The following OVCH1 variants were observed in gnomAD, a reference collection of about 807,000 sequenced individuals.
OVCH1 encodes ovochymase 1, also known as ovochymase-1.
In OVCH1, 139 loss-of-function variants were observed where a neutral mutation model predicts 138.4. That is an observed-to-expected ratio of 1.00 (90% confidence interval 0.87 to 1.16). The LOEUF is 1.16. Ranked by LOEUF, OVCH1 falls within the 50% of genes most tolerant of loss-of-function variation. The pLI, the probability that OVCH1 is intolerant of heterozygous loss-of-function variation, is 0.00. For synonymous variants in OVCH1, 453 were observed against 467.8 expected (o/e 0.97, Z 0.41); for missense variants, 1,367 against 1,357.9 (o/e 1.01, Z -0.11).
At chr12:29,412,551 G>T (rs1197141036) in intron 4 of OVCH1, 3 of 152,168 alleles carry the variant, frequency 2.0e-5, no homozygotes, top group Non-Finnish European at 1.5e-5. Context: ...AAAACTGAAA[G>T]TGAACAAACA....
downstream of OVCH1, among the ~76,000 whole-genome samples, chr12:29,407,499 G>C (rs1300054895): frequency 7.3e-4 from 109 of 150,252 alleles, no homozygotes; most frequent in African/African-American, 2.6e-3. Context: ...TGTAAGGAAG[G>C]GATCCAGTTT....
In OVCH1 at chr12:29,439,570, C is replaced by T. The variant is rs1373101542; in HGVS notation, c.3158-136G>A. The T allele has an allele frequency of 7.1e-6, 8 of 1,130,014 alleles. No homozygotes were observed. The East Asian group carries it at 9.1e-5, about 13-fold the overall frequency. The allele number at this position is 1,130,014 out of a possible 1,614,324, so 70.0% of individuals were successfully genotyped here. On this transcript the variant is annotated intron_variant, in intron 25 of 27. Coordinates refer to ENST00000318184, the Ensembl canonical transcript of OVCH1. ...AACTACTGCTACTCTCGGTACTTTA[C>T]CTCTCACACCAGATGTATGGGATTT...
chr12:29,446,380 C>T (rs1262347310), intron 22 of OVCH1, among the ~76,000 whole-genome samples: 9 of 151,908 alleles, frequency 5.9e-5, no homozygotes, highest in Non-Finnish European at 1.3e-4. Flanking sequence ...TTATTTGTAG[C>T]AAATAGAAGT....
chr12:29,434,282 C>T (rs78418791), intron 26 of OVCH1, among the ~76,000 whole-genome samples: 4,402 of 152,078 alleles, frequency 0.029, 201 homozygotes, highest in African/African-American at 0.096. Context: ...ACTGTATTGT[C>T]GCAATATTCC....
At chr12:29,429,884 T>TATCA (rs372817181) in intron 27 of OVCH1, among the ~76,000 whole-genome samples, 9 of 152,384 alleles carry the variant, frequency 5.9e-5, no homozygotes, top group Admixed American at 3.3e-4. Context: ...TATTAATTCC[T>TATCA]ATCATTGCTT....
At chr12:29,423,631 A>G (rs1941136716), downstream of OVCH1, among the ~76,000 whole-genome samples, 1 of 152,240 alleles carries the variant, frequency 6.6e-6, no homozygotes, top group Non-Finnish European at 1.5e-5. Flanking sequence ...AATCTGCTCT[A>G]AAACACAATA....
chr12:29,481,454 A>G (rs1225401655), intron 8 of OVCH1, among the ~76,000 whole-genome samples: 1 of 152,116 alleles, frequency 6.6e-6, no homozygotes, highest in Non-Finnish European at 1.5e-5. Context: ...CCTATAAACT[A>G]TTTATATCTT....
chr12:29,436,813 G>A (rs1941370090), intron 26 of OVCH1, among the ~76,000 whole-genome samples: 1 of 151,894 alleles, frequency 6.6e-6, no homozygotes, highest in Non-Finnish European at 1.5e-5. Flanking sequence ...GACCCTCGTG[G>A]TGAGTGTTAC....
intron 22 of OVCH1, among the ~76,000 whole-genome samples, chr12:29,449,144 T>G (rs1941701698): frequency 6.6e-6 from 1 of 152,098 alleles, no homozygotes; most frequent in Admixed American, 6.6e-5. Context: ...ATTTTTTCAT[T>G]CACCTTCCTC....
At chr12:29,475,389 G>T (rs1000883954) in intron 13 of OVCH1, among the ~76,000 whole-genome samples, 200 bp from the exon 14 acceptor site, 10 of 151,852 alleles carry the variant, frequency 6.6e-5, no homozygotes, top group Non-Finnish European at 1.0e-4. Flanking sequence ...CACAGAAAAA[G>T]CTCTAAAATA....
exon 18 of OVCH1, chr12:29,464,616 A>G (rs757570585): frequency 1.2e-6 from 2 of 1,613,602 alleles, no homozygotes; most frequent in South Asian, 2.2e-5. Context: ...ACTCCAGAGG[A>G]GAGCTTAGTT....
downstream of OVCH1, among the ~76,000 whole-genome samples, chr12:29,408,110 T>A (rs1357829097): frequency 7.4e-6 from 1 of 134,776 alleles, no homozygotes; most frequent in Non-Finnish European, 1.7e-5. Context: ...TCTCTGTTTG[T>A]CTGTTATTGG....
chr12:29,443,576 A>C (rs1402766164), intron 24 of OVCH1, 76 bp from the exon 25 acceptor site: 2 of 1,378,410 alleles, frequency 1.5e-6, no homozygotes, highest in Non-Finnish European at 1.9e-6. Flanking sequence ...TCAGAAATTA[A>C]TGCATCAATG....
At chr12:29,446,742 G>T (rs963395689) in intron 22 of OVCH1, among the ~76,000 whole-genome samples, 10 of 151,808 alleles carry the variant, frequency 6.6e-5, no homozygotes, top group Non-Finnish European at 1.0e-4. Context: ...GGAAGAAAAA[G>T]ACTTTTTTCT....
At chr12:29,422,831 A>G (rs1456091439), downstream of OVCH1, among the ~76,000 whole-genome samples, 1 of 151,974 alleles carries the variant, frequency 6.6e-6, no homozygotes, top group Non-Finnish European at 1.5e-5. Flanking sequence ...AATACAATGA[A>G]CTCTGTTTTG....
At chr12:29,475,398 T>C (rs902016026) in intron 13 of OVCH1, among the ~76,000 whole-genome samples, 2 of 151,964 alleles carry the variant, frequency 1.3e-5, no homozygotes, top group African/African-American at 4.8e-5. Context: ...AGCTCTAAAA[T>C]AAGGACATTT....
intron 22 of OVCH1, among the ~76,000 whole-genome samples, chr12:29,448,242 T>TGGTA (rs1054386478): frequency 6.7e-6 from 1 of 149,790 alleles, no homozygotes; most frequent in Non-Finnish European, 1.5e-5. Context: ...AGAGCTCAGG[T>TGGTA]GGTAATGCTT....
intron 16 of OVCH1, among the ~76,000 whole-genome samples, chr12:29,471,502 A>G (rs1387157495): frequency 6.6e-6 from 1 of 152,238 alleles, no homozygotes; most frequent in African/African-American, 2.4e-5. Context: ...CTTCAAATAT[A>G]GAAAGAAGAA....
chr12:29,447,642 T>G (rs926941244), intron 22 of OVCH1, among the ~76,000 whole-genome samples: 1 of 152,156 alleles, frequency 6.6e-6, no homozygotes, highest in Non-Finnish European at 1.5e-5. Flanking sequence ...TCAAAGTTAC[T>G]GATGAAATGA....
Sources: allele counts gnomAD v4.1 joint callset (sites outside exome capture counted in the v4.1 genomes callset), GRCh38; gene constraint gnomAD v4.1.1; transcripts MANE v1.5; gene names NCBI Gene and HGNC (gene_info 2026-07-23, HGNC 2026-07-21).